PCYT1A: variants seen among roughly 807,000 people sequenced by gnomAD.
The protein encoded by PCYT1A is choline-phosphate cytidylyltransferase A.
PCYT1A carries 25 observed loss-of-function variants against 43.7 expected under a neutral mutation model. The ratio of observed to expected loss-of-function variants is 0.57; its 90% confidence interval spans 0.42 to 0.80. PCYT1A has a LOEUF of 0.80. Among genes scored for constraint, PCYT1A ranks in the 30% least tolerant of loss-of-function variants. The pLI is 0.00. For missense variants in PCYT1A, 421 were observed against 474.2 expected (o/e 0.89, Z 1.04); for synonymous variants, 172 against 170.7 (o/e 1.01, Z -0.06).
chr3:196,249,222 C>T (rs558493635), intron 3 of PCYT1A, among the ~76,000 whole-genome samples: 33 of 151,964 alleles, frequency 2.2e-4, no homozygotes, highest in Admixed American at 8.5e-4. Flanking sequence ...TCACAGCTCA[C>T]GGCAGCCTTG....
chr3:196,276,935 CA>C (rs879774766), intron 1 of PCYT1A, among the ~76,000 whole-genome samples: 194 of 135,974 alleles, frequency 1.4e-3, no homozygotes, highest in Middle Eastern at 3.9e-3. Flanking sequence ...GACCCTTTCT[CA>C]AAAAAAAAAA....
intron 1 of PCYT1A, among the ~76,000 whole-genome samples, chr3:196,275,291 G>C (rs1465286649): frequency 1.3e-5 from 2 of 152,130 alleles, no homozygotes; most frequent in Non-Finnish European, 1.5e-5. Flanking sequence ...AGCCAGACGA[G>C]AAAGACAAAT....
intron 3 of PCYT1A, among the ~76,000 whole-genome samples, chr3:196,254,021 T>C (rs1357104268): frequency 6.7e-6 from 1 of 149,812 alleles, no homozygotes; most frequent in Non-Finnish European, 1.5e-5. Context: ...GTTATATAGA[T>C]AGATAGATAG....
At chr3:196,280,738 ATAAC>A (rs1163554177) in intron 1 of PCYT1A, among the ~76,000 whole-genome samples, 1 of 152,106 alleles carries the variant, frequency 6.6e-6, no homozygotes, top group East Asian at 1.9e-4. Context: ...ATTAACAGGA[ATAAC>A]TAATAATAAA....
At chr3:196,241,131 TAAAAAAAAAAA>T (rs1209954920) in intron 7 of PCYT1A, among the ~76,000 whole-genome samples, 9 of 49,660 alleles carry the variant, frequency 1.8e-4, no homozygotes, top group African/African-American at 4.2e-4. Context: ...CCATCTCTGC[TAAAAAAAAAAA>T]AAAAAAAAAA....
intron 2 of PCYT1A, 60 bp from the exon 3 acceptor site, chr3:196,257,947 TAA>T (rs878915126): frequency 1.9e-3 from 1,309 of 704,296 alleles, no homozygotes; most frequent in South Asian, 2.9e-3. Context: ...ACTGTAATAC[TAA>T]AAAAAAAAAA....
rs917871194 is a variant in PCYT1A at position 196,273,318 on chromosome 3, C to T, written c.-10-2777G>A. 7.2e-5 allele frequency among the ~76,000 whole-genome samples: 11 copies of T among 152,200 alleles called. No homozygotes were observed. Among genetic ancestry groups the T allele is most frequent in the Non-Finnish European group, 1.3e-4 (9 of 68,048 alleles). On this transcript the variant is annotated intron_variant, in intron 1 of 8. Transcript: ENST00000431016. The surrounding 1 kb of genome is among the most constrained non-coding windows in gnomAD (Gnocchi z 4.1). ...CTCTCTTCTCTCTTTCTGTTGCCCA[C>T]AGCGTGGCAAGCAGTGGGGGAGGGG...
chr3:196,266,374 G>A (rs1725275307), intron 2 of PCYT1A, among the ~76,000 whole-genome samples: 1 of 151,930 alleles, frequency 6.6e-6, no homozygotes, highest in South Asian at 2.1e-4. Flanking sequence ...TCGGGAGGCT[G>A]AGGCAGGAAA....
At chr3:196,244,077 T>C (rs1427167021) in intron 5 of PCYT1A, among the ~76,000 whole-genome samples, 1 of 140,044 alleles carries the variant, frequency 7.1e-6, no homozygotes, top group Non-Finnish European at 1.5e-5. Flanking sequence ...GCCCATCGTC[T>C]GAGATGTGGG....
intron 7 of PCYT1A, chr3:196,241,484 TA>T (rs762790902): frequency 4.8e-5 from 62 of 1,284,986 alleles, no homozygotes; most frequent in Non-Finnish European, 6.1e-5. Context: ...CAGAAAAATA[TA>T]TAGAGTTTCT....
chr3:196,260,405 C>A (rs1434259444), intron 2 of PCYT1A, among the ~76,000 whole-genome samples: 1 of 152,122 alleles, frequency 6.6e-6, no homozygotes, highest in African/African-American at 2.4e-5. Context: ...GAAGTTAGAA[C>A]CATCATACAT....
intron 4 of PCYT1A, 87 bp downstream of exon 4, chr3:196,248,120 C>T (rs1577358456): frequency 1.3e-6 from 1 of 779,690 alleles, no homozygotes; most frequent in East Asian, 2.5e-5. Flanking sequence ...AAAATGGAAA[C>T]AAGAGCCAGT....
chr3:196,286,212 G>A (rs1459636567), intron 1 of PCYT1A, among the ~76,000 whole-genome samples: 1 of 151,860 alleles, frequency 6.6e-6, no homozygotes, highest in Non-Finnish European at 1.5e-5. Context: ...CCAGGCATGC[G>A]CCACCACACC....
At chr3:196,254,398 T>A (rs1011411814) in intron 3 of PCYT1A, among the ~76,000 whole-genome samples, 2 of 152,144 alleles carry the variant, frequency 1.3e-5, no homozygotes, top group African/African-American at 2.4e-5. Context: ...TCACCCAGGC[T>A]GAAGTGCAGT....
chr3:196,266,941 C>T (rs559389523), intron 2 of PCYT1A, among the ~76,000 whole-genome samples: 29 of 151,576 alleles, frequency 1.9e-4, no homozygotes, highest in Admixed American at 5.9e-4. Context: ...GAGGCCGAGG[C>T]GGGCGGATTA....
intron 3 of PCYT1A, chr3:196,251,568 T>C (rs1368359645): frequency 1.3e-5 from 2 of 152,684 alleles, no homozygotes; most frequent in Admixed American, 1.3e-4. Flanking sequence ...GTCGTATCTA[T>C]CAAAAGACAA....
chr3:196,280,631 G>T (rs1725745540), intron 1 of PCYT1A, among the ~76,000 whole-genome samples: 1 of 128,780 alleles, frequency 7.8e-6, no homozygotes, highest in Admixed American at 8.9e-5. Flanking sequence ...CTGCGGATGT[G>T]GAGCCCATGG....
rs1201364470 is a variant in PCYT1A at position 196,236,403 on chromosome 3, A to T, written c.*2285T>A. 6.6e-6 allele frequency: 1 copy of T among 152,256 alleles called. No individual in the cohort carries two copies. Among genetic ancestry groups the T allele is most frequent in the East Asian group, 1.9e-4 (1 of 5,204 alleles). The allele number at this position is 152,256 out of a possible 1,614,324, so 9.4% of individuals were successfully genotyped here. On this transcript the variant is annotated 3_prime_UTR_variant, in exon 9 of 9. Coordinates refer to ENST00000431016, the MANE Select transcript of PCYT1A (RefSeq NM_001312673.2). ...AAGGCTGACGCAGAAAAGTTCAAAG[A>T]TGAGACTATGTAACACTGGGTAACA...
In PCYT1A at chr3:196,236,350, C is replaced by T. The variant is rs1480491105; in HGVS notation, c.*2338G>A. ...ACCACACCAGGGAGAATAAGTTAGA[C>T]AGAAACAGGCAGCATTCCCAAAGAG... On this transcript the variant is annotated 3_prime_UTR_variant, in exon 9 of 9. Coordinates refer to ENST00000431016, the MANE Select transcript of PCYT1A (RefSeq NM_001312673.2). 6.6e-6 allele frequency: 1 copy of T among 152,276 alleles called. No individual in the cohort carries two copies. Among genetic ancestry groups the T allele is most frequent in the Non-Finnish European group, 1.5e-5 (1 of 68,084 alleles). 9.4% of individuals were successfully genotyped at this position (152,276 alleles called of 1,614,324 possible). A position where few individuals can be genotyped will look rare whatever the true frequency, so the allele number is the denominator to read the frequency against.
Sources: allele counts gnomAD v4.1 joint callset (sites outside exome capture counted in the v4.1 genomes callset), GRCh38; gene constraint gnomAD v4.1.1; non-coding constraint Gnocchi (gnomAD v3.1); transcripts MANE v1.5; gene names NCBI Gene and HGNC (gene_info 2026-07-23, HGNC 2026-07-21).